L3MBTL4: variants seen among roughly 807,000 people sequenced by gnomAD.
The protein encoded by L3MBTL4 is lethal(3)malignant brain tumor-like protein 4.
A neutral mutation model predicts 84.5 loss-of-function variants in L3MBTL4; 70 were observed. That is an observed-to-expected ratio of 0.83 (90% CI 0.68 to 1.01). The LOEUF (loss-of-function observed/expected upper bound fraction) is 1.01, where lower values mean the gene tolerates loss of function less well. Among genes scored for constraint, L3MBTL4 ranks in the 50% least tolerant of loss-of-function variants. L3MBTL4 has a pLI of 0.00. For missense variants in L3MBTL4, 715 were observed against 754.8 expected (o/e 0.95, Z 0.62); for synonymous variants, 274 against 259.8 (o/e 1.05, Z -0.52).
At chr18:6,110,901 T>C (rs759250392) in intron 14 of L3MBTL4, among the ~76,000 whole-genome samples, 11 of 152,138 alleles carry the variant, frequency 7.2e-5, no homozygotes, top group Non-Finnish European at 1.3e-4. Context: ...TGGAATTTTG[T>C]TCATGCCCAT....
intron 10 of L3MBTL4, among the ~76,000 whole-genome samples, chr18:6,218,051 T>C (rs568235520): frequency 3.3e-4 from 51 of 152,302 alleles, no homozygotes; most frequent in African/African-American, 1.2e-3. Flanking sequence ...TTCTATCCTT[T>C]CCTTTATGAG....
chr18:6,404,453 T>C (rs73938424), intron 1 of L3MBTL4, among the ~76,000 whole-genome samples: 1 of 152,302 alleles, frequency 6.6e-6, no homozygotes, highest in African/African-American at 2.4e-5. Context: ...GGAACAAAGA[T>C]AAAAAGCTCG....
chr18:5,958,072 A>C (rs908816168), intron 18 of L3MBTL4, among the ~76,000 whole-genome samples: 4 of 38,506 alleles, frequency 1.0e-4, no homozygotes, highest in Non-Finnish European at 1.5e-4. Flanking sequence ...GAGAAGAAGA[A>C]GAAGAAGAAG....
intron 15 of L3MBTL4, among the ~76,000 whole-genome samples, chr18:6,092,629 G>A (rs1237434542): frequency 6.6e-6 from 1 of 152,148 alleles, no homozygotes. Context: ...CTCAGTCTCT[G>A]TCTGGTCTCC....
chr18:6,111,091 A>G (rs2059181637), intron 14 of L3MBTL4, among the ~76,000 whole-genome samples: 1 of 152,178 alleles, frequency 6.6e-6, no homozygotes. Flanking sequence ...AGAACCTAAG[A>G]AGAGAAGCAA....
At position 6,113,335 on chromosome 18, in the gene L3MBTL4, G is replaced by A. The variant is rs1314889504; in HGVS notation, c.1200-19807C>T. Among the ~76,000 whole-genome samples the A allele has an allele frequency of 3.3e-5, 5 of 152,034 alleles. No individual in the cohort carries two copies. In the East Asian group the frequency reaches 9.7e-4, roughly 29 times the overall value. ...ATTGTATCTTCTGTTTTTAGAAACT[G>A]TGATATAGAGGATAACAAAGACTGT... On this transcript the variant is annotated intron_variant, in intron 14 of 18. Transcript: ENST00000317931.
intron 12 of L3MBTL4, among the ~76,000 whole-genome samples, chr18:6,184,912 G>A (rs2044649888): frequency 6.6e-6 from 1 of 152,138 alleles, no homozygotes; most frequent in Admixed American, 6.5e-5. Flanking sequence ...TTGGGACAAG[G>A]GTTTCCCAAA....
At position 6,125,863 on chromosome 18, in the gene L3MBTL4, C is replaced by T. The variant is rs1260610096; in HGVS notation, c.1199+12331G>A. 5.3e-5 allele frequency among the ~76,000 whole-genome samples: 8 copies of T among 152,298 alleles called. No homozygotes were observed. In the South Asian group the frequency reaches 1.7e-3, roughly 32 times the overall value. On this transcript the variant is annotated intron_variant, in intron 14 of 18. Coordinates refer to ENST00000317931, the MANE Select transcript of L3MBTL4 (RefSeq NM_001330559.2). ...GCACACACATGAATTTTGTTTGGCA[C>T]TATTAATATGAGACAAAGAAGTAGT...
intron 1 of L3MBTL4, among the ~76,000 whole-genome samples, chr18:6,363,548 T>C (rs1477880467): frequency 6.6e-6 from 1 of 152,202 alleles, no homozygotes; most frequent in Non-Finnish European, 1.5e-5. Context: ...GAAACCCAGA[T>C]GTAACAAAAA....
At chr18:6,174,143 C>G (rs914531064) in intron 12 of L3MBTL4, among the ~76,000 whole-genome samples, 2 of 146,090 alleles carry the variant, frequency 1.4e-5, no homozygotes, top group Admixed American at 1.4e-4. Flanking sequence ...GAACTCTACT[C>G]TTAAAAAAAA....
At chr18:5,967,289 A>G (rs1447406632) in intron 17 of L3MBTL4, among the ~76,000 whole-genome samples, 1 of 152,210 alleles carries the variant, frequency 6.6e-6, no homozygotes, top group Non-Finnish European at 1.5e-5. Context: ...GGCCTGATGC[A>G]AGTCACTTCG....
chr18:6,258,364 TG>T (rs2146316438), intron 5 of L3MBTL4, among the ~76,000 whole-genome samples: 1 of 152,246 alleles, frequency 6.6e-6, no homozygotes, highest in East Asian at 1.9e-4. Context: ...GCTTGGCACC[TG>T]GGGTAGAGAA....
At chr18:6,402,419 T>C (rs2055551298) in intron 1 of L3MBTL4, among the ~76,000 whole-genome samples, 1 of 152,180 alleles carries the variant, frequency 6.6e-6, no homozygotes, top group Admixed American at 6.5e-5. Flanking sequence ...AACTCAGTCT[T>C]AAATAACAAG....
intron 16 of L3MBTL4, among the ~76,000 whole-genome samples, chr18:6,021,025 G>A (rs964139361): frequency 6.6e-6 from 1 of 152,210 alleles, no homozygotes; most frequent in Non-Finnish European, 1.5e-5. Context: ...GAGAAAGAAG[G>A]AAAGGCCAGA....
intron 10 of L3MBTL4, among the ~76,000 whole-genome samples, chr18:6,231,862 C>A (rs72875720): frequency 0.014 from 2,115 of 152,134 alleles, 27 homozygotes; most frequent in Non-Finnish European, 0.02. Context: ...TTTTACCTCT[C>A]CCTTTCCGTT....
chr18:6,045,431 T>G (rs2056571919), intron 16 of L3MBTL4, among the ~76,000 whole-genome samples: 1 of 151,942 alleles, frequency 6.6e-6, no homozygotes, highest in Non-Finnish European at 1.5e-5. Context: ...TACCTGAGAC[T>G]GGGCAATTTA....
intron 12 of L3MBTL4, among the ~76,000 whole-genome samples, chr18:6,176,447 T>A (rs1452604388): frequency 6.6e-6 from 1 of 152,054 alleles, no homozygotes; most frequent in African/African-American, 2.4e-5. Context: ...GAGTATTGAA[T>A]GAAGAAAGTA....
chr18:5,983,106 GA>G (rs974711377), intron 16 of L3MBTL4, among the ~76,000 whole-genome samples: 4 of 152,170 alleles, frequency 2.6e-5, no homozygotes, highest in Non-Finnish European at 5.9e-5. Flanking sequence ...ACGTCACGAG[GA>G]AACACAGTCT....
chr18:6,243,278 A>G lies in L3MBTL4; in HGVS notation c.460+16T>C, dbSNP rs758974455. The G allele has an allele frequency of 2.2e-5, 33 of 1,510,408 alleles. 1 individual carries two copies. The East Asian group carries it at 4.1e-4, about 19-fold the overall frequency. 93.6% of individuals were successfully genotyped at this position (1,510,408 alleles called of 1,614,324 possible). On this transcript the variant is annotated intron_variant, in intron 7 of 18. Transcript: ENST00000317931. ...AATTGATTCTCTTTCCAGTTGGTAA[A>G]TGTATCCTGGCTTACCCTTAGGGAT...
Sources: gnomAD v4.1 joint callset for allele counts (sites outside exome capture counted in the v4.1 genomes callset) on GRCh38, gnomAD v4.1.1 for gene constraint, MANE v1.5 for transcripts, NCBI Gene and HGNC (gene_info 2026-07-23, HGNC 2026-07-21) for gene names.